The following NPAS3 variants were observed in gnomAD, a reference collection of about 807,000 sequenced individuals.
NPAS3 encodes the protein neuronal PAS domain-containing protein 3.
A neutral mutation model predicts 73.1 loss-of-function variants in NPAS3; 14 were observed. The ratio of observed to expected loss-of-function variants is 0.19; its 90% CI spans 0.13 to 0.30. The LOEUF (loss-of-function observed/expected upper bound fraction) is 0.30, where lower values mean the gene tolerates loss of function less well. Ranked by LOEUF, NPAS3 falls within the 10% of genes least tolerant of loss-of-function variation. The pLI, the probability that NPAS3 is intolerant of heterozygous loss-of-function variation, is 1.00. For synonymous variants in NPAS3, 620 were observed against 541.5 expected (o/e 1.14, Z -2.01); for missense variants, 1,096 against 1,250.0 (o/e 0.88, Z 1.86).
chr14:33,221,408 A>G (rs2047423322), intron 3 of NPAS3, among the ~76,000 whole-genome samples: 2 of 152,138 alleles, frequency 1.3e-5, no homozygotes, highest in Non-Finnish European at 2.9e-5. Flanking sequence ...CTGTAATTTA[A>G]TTTACCTTAT....
chr14:33,141,813 A>C (rs761367913), intron 2 of NPAS3, among the ~76,000 whole-genome samples: 71 of 152,222 alleles, frequency 4.7e-4, no homozygotes, highest in Non-Finnish European at 8.4e-4. Flanking sequence ...AAGGATGTAC[A>C]GCTGAAGGCT....
chr14:33,646,893 T>C (rs1436752373), intron 5 of NPAS3, among the ~76,000 whole-genome samples: 1 of 152,112 alleles, frequency 6.6e-6, no homozygotes, highest in Non-Finnish European at 1.5e-5. Flanking sequence ...CCCAGAGGTA[T>C]AGAGTAATCA....
chr14:33,797,006 G>A (rs1311580127), intron 10 of NPAS3, among the ~76,000 whole-genome samples: 1 of 152,128 alleles, frequency 6.6e-6, no homozygotes, highest in Non-Finnish European at 1.5e-5. Context: ...CAATAGCGTG[G>A]GAGCCATCTG....
At chr14:33,147,730 A>AAAAATAT (rs372663411) in intron 2 of NPAS3, among the ~76,000 whole-genome samples, 6 of 130,386 alleles carry the variant, frequency 4.6e-5, no homozygotes, top group African/African-American at 1.9e-4. Context: ...TAGAATAAAA[A>AAAAATAT]ATATATATAT....
At chr14:33,797,314 A>G in intron 10 of NPAS3, 143 bp from the exon 11 acceptor site, 1 of 882,344 alleles carries the variant, frequency 1.1e-6, no homozygotes, top group South Asian at 1.8e-5. Flanking sequence ...AATCCCATGA[A>G]GAGCTGAGAA....
chr14:32,941,665 C>A (rs947952661), intron 1 of NPAS3, among the ~76,000 whole-genome samples: 1 of 151,926 alleles, frequency 6.6e-6, no homozygotes, highest in African/African-American at 2.4e-5. Context: ...ATTTAATGCC[C>A]TTTAATAGCA....
chr14:33,309,278 G>T (rs1019452845), intron 3 of NPAS3, among the ~76,000 whole-genome samples: 39 of 152,308 alleles, frequency 2.6e-4, no homozygotes, highest in African/African-American at 9.4e-4. Context: ...GAGGTGGAGT[G>T]TGGGAAGCCT....
chr14:33,453,204 C>T (rs2049880906), intron 4 of NPAS3, among the ~76,000 whole-genome samples: 1 of 152,152 alleles, frequency 6.6e-6, no homozygotes, highest in African/African-American at 2.4e-5. Context: ...TTCATCTCAG[C>T]CAGGGGTCTA....
chr14:33,793,810 C>A, intron 9 of NPAS3, 87 bp from the exon 10 acceptor site: 1 of 1,336,816 alleles, frequency 7.5e-7, no homozygotes, highest in Non-Finnish European at 1.0e-6. Context: ...CATTTTTAGG[C>A]TTAAGGTTTT....
chr14:33,800,596 C>A lies in NPAS3; in HGVS notation c.2289C>A (p.Gly763=). Residue 763 remains glycine, a synonymous_variant, in exon 12 of 12, where the codon GGC becomes GGA. Transcript: ENST00000356141. The surrounding 1 kb of genome is among the most constrained non-coding windows in gnomAD (Gnocchi z 6.5). The stretch of plus-strand genomic sequence containing the variant: ...CGCGGGACAAGCACCCCGGGAACGG[C>A]GGCGGGGGCGGGGGCGGGGGCGGCG... The A allele has an allele frequency of 7.7e-7, 1 of 1,299,992 alleles. No homozygotes were observed. Among genetic ancestry groups the A allele is most frequent in the Non-Finnish European group, 9.7e-7 (1 of 1,032,470 alleles). 80.5% of individuals were successfully genotyped at this position (1,299,992 alleles called of 1,614,324 possible). A position where few individuals can be genotyped will look rare whatever the true frequency, so the allele number is the denominator to read the frequency against.
intron 4 of NPAS3, among the ~76,000 whole-genome samples, chr14:33,447,851 G>A (rs1251695172): frequency 2.0e-5 from 3 of 152,126 alleles, no homozygotes; most frequent in East Asian, 3.9e-4. Flanking sequence ...GGAGTTCAAG[G>A]TTAGAGTGAG....
At chr14:33,168,713 C>A (rs2045267495) in intron 2 of NPAS3, among the ~76,000 whole-genome samples, 2 of 152,170 alleles carry the variant, frequency 1.3e-5, no homozygotes. Flanking sequence ...CTACTAGCTT[C>A]CTTTTTCCCG....
intron 4 of NPAS3, among the ~76,000 whole-genome samples, chr14:33,376,444 T>C (rs1296013105): frequency 1.3e-5 from 2 of 152,212 alleles, no homozygotes; most frequent in African/African-American, 4.8e-5. Flanking sequence ...TATGCTTTTT[T>C]TTCCCAGAGG....
intron 4 of NPAS3, among the ~76,000 whole-genome samples, chr14:33,407,683 C>T (rs552712317): frequency 2.9e-4 from 44 of 152,094 alleles, no homozygotes; most frequent in Non-Finnish European, 4.3e-4. Flanking sequence ...TATTTTTCTC[C>T]GCTCTCCGTT....
chr14:33,634,041 C>T (rs560587295), intron 5 of NPAS3, among the ~76,000 whole-genome samples: 2 of 152,270 alleles, frequency 1.3e-5, no homozygotes, highest in South Asian at 4.1e-4. Context: ...TCTGCTTTCT[C>T]CCTTCAGAGC....
At chr14:33,141,961 T>C (rs1181487730) in intron 2 of NPAS3, among the ~76,000 whole-genome samples, 1 of 152,198 alleles carries the variant, frequency 6.6e-6, no homozygotes, top group East Asian at 1.9e-4. Flanking sequence ...CTTAATTTGA[T>C]AGTAAAAATT....
At chr14:33,402,239 C>T (rs1346748561) in intron 4 of NPAS3, among the ~76,000 whole-genome samples, 3 of 151,886 alleles carry the variant, frequency 2.0e-5, no homozygotes, top group Admixed American at 6.6e-5. Flanking sequence ...CTTTTGTGCC[C>T]CAAGCTCTTC....
At chr14:33,505,757 G>T (rs2139959390) in intron 4 of NPAS3, among the ~76,000 whole-genome samples, 1 of 152,002 alleles carries the variant, frequency 6.6e-6, no homozygotes, top group East Asian at 2.0e-4. Flanking sequence ...ACACCAATAG[G>T]CAGTTGCATT....
chr14:33,287,465 A>G (rs1315214795), intron 3 of NPAS3, among the ~76,000 whole-genome samples: 1 of 152,196 alleles, frequency 6.6e-6, no homozygotes, highest in Admixed American at 6.5e-5. Context: ...ACTAACCGAC[A>G]GGGCACACAC....
Sources: allele counts gnomAD v4.1 joint callset (sites outside exome capture counted in the v4.1 genomes callset), GRCh38; gene constraint gnomAD v4.1.1; non-coding constraint Gnocchi (gnomAD v3.1); transcripts MANE v1.5; gene names NCBI Gene and HGNC (gene_info 2026-07-23, HGNC 2026-07-21).